LRMDA: variants seen among roughly 807,000 people sequenced by gnomAD.
LRMDA encodes leucine-rich melanocyte differentiation-associated protein.
In LRMDA, 18 loss-of-function variants were observed where a neutral mutation model predicts 29.8. That is an observed-to-expected ratio of 0.60 (90% CI 0.42 to 0.90). LRMDA has a LOEUF of 0.90. Among genes scored for constraint, LRMDA ranks in the 40% least tolerant of loss-of-function variants. LRMDA has a pLI of 0.00. For synonymous variants in LRMDA, 125 were observed against 109.4 expected (o/e 1.14, Z -0.89); for missense variants, 273 against 273.9 (o/e 1.00, Z 0.02).
chr10:76,446,017 T>C (rs1842350777), intron 6 of LRMDA, among the ~76,000 whole-genome samples: 1 of 152,182 alleles, frequency 6.6e-6, no homozygotes, highest in Non-Finnish European at 1.5e-5. Flanking sequence ...GCAAATATTG[T>C]CATGCATTTG....
chr10:75,901,273 T>A (rs914899670), intron 2 of LRMDA, among the ~76,000 whole-genome samples: 1 of 152,134 alleles, frequency 6.6e-6, no homozygotes, highest in Non-Finnish European at 1.5e-5. Context: ...CAAATCTCCT[T>A]GTCTTTTTAA....
intron 5 of LRMDA, among the ~76,000 whole-genome samples, chr10:76,294,763 G>T (rs1024300058): frequency 9.2e-5 from 14 of 152,186 alleles, no homozygotes; most frequent in Non-Finnish European, 1.5e-4. Context: ...TGCTTGAAAG[G>T]TCTGGCTTGG....
intron 5 of LRMDA, among the ~76,000 whole-genome samples, chr10:76,260,374 A>G (rs996666591): frequency 6.6e-5 from 10 of 152,180 alleles, no homozygotes; most frequent in African/African-American, 1.9e-4. Flanking sequence ...AGGCCAATCT[A>G]GTGGTGATGA....
intron 5 of LRMDA, among the ~76,000 whole-genome samples, chr10:76,160,648 G>A (rs777162610): frequency 2.0e-5 from 3 of 151,932 alleles, no homozygotes; most frequent in Non-Finnish European, 4.4e-5. Context: ...AAATACTCCC[G>A]CCAAATTTAA....
At chr10:75,824,797 G>A (rs1041143658) in intron 2 of LRMDA, among the ~76,000 whole-genome samples, 3 of 152,196 alleles carry the variant, frequency 2.0e-5, no homozygotes, top group Non-Finnish European at 4.4e-5. Flanking sequence ...CCACCCAGTG[G>A]AAGACTATGA....
At chr10:75,688,629 CAGGGTTTGGG>C (rs1454760343) in intron 2 of LRMDA, among the ~76,000 whole-genome samples, 1 of 152,216 alleles carries the variant, frequency 6.6e-6, no homozygotes, top group African/African-American at 2.4e-5. Context: ...AAAGCAGAAG[CAGGGTTTGGG>C]AGGATTGCCT....
chr10:75,792,787 A>G (rs2132253774), intron 2 of LRMDA, among the ~76,000 whole-genome samples: 1 of 152,328 alleles, frequency 6.6e-6, no homozygotes, highest in South Asian at 2.1e-4. Flanking sequence ...AATAGTAATA[A>G]TATCTGCTTG....
chr10:75,730,336 T>A (rs966538933), intron 2 of LRMDA, among the ~76,000 whole-genome samples: 3 of 152,066 alleles, frequency 2.0e-5, no homozygotes, highest in African/African-American at 7.3e-5. Context: ...TCAACACAGA[T>A]CAACAGATGC....
At chr10:76,059,112 G>A (rs776573393) in intron 5 of LRMDA, among the ~76,000 whole-genome samples, 14 of 152,122 alleles carry the variant, frequency 9.2e-5, no homozygotes, top group Non-Finnish European at 2.1e-4. Flanking sequence ...TTGGGCATGG[G>A]TGGGCTTTGG....
chr10:76,281,038 A>C (rs1430352743), intron 5 of LRMDA, among the ~76,000 whole-genome samples: 1 of 152,230 alleles, frequency 6.6e-6, no homozygotes, highest in Non-Finnish European at 1.5e-5. Flanking sequence ...CCGTTACAAC[A>C]GCCCACCAAA....
chr10:75,850,859 G>A (rs1312935157), intron 2 of LRMDA, among the ~76,000 whole-genome samples: 1 of 152,190 alleles, frequency 6.6e-6, no homozygotes, highest in Non-Finnish European at 1.5e-5. Flanking sequence ...AGTTGAAACA[G>A]TAGTGTTCTG....
chr10:75,604,980 C>T (rs1019668707), intron 2 of LRMDA, among the ~76,000 whole-genome samples: 1 of 152,140 alleles, frequency 6.6e-6, no homozygotes, highest in Non-Finnish European at 1.5e-5. Context: ...TTCAGTTTTC[C>T]CAAACAAAAT....
chr10:75,465,995 A>G (rs11001401), intron 2 of LRMDA, among the ~76,000 whole-genome samples: 19,634 of 152,250 alleles, frequency 0.13, 1,647 homozygotes, highest in Middle Eastern at 0.2. Flanking sequence ...CTAAAAGATT[A>G]GCCATAGGCA....
At chr10:75,763,506 C>T (rs1374734854) in intron 2 of LRMDA, among the ~76,000 whole-genome samples, 2 of 152,116 alleles carry the variant, frequency 1.3e-5, no homozygotes, top group East Asian at 3.8e-4. Flanking sequence ...TCATCACAAG[C>T]CTTCAAGGAG....
intron 2 of LRMDA, among the ~76,000 whole-genome samples, chr10:75,448,690 A>T (rs1212520201): frequency 6.6e-6 from 1 of 152,208 alleles, no homozygotes; most frequent in African/African-American, 2.4e-5. Context: ...CACTATGCCA[A>T]CTGCAGCCTG....
chr10:76,366,688 T>C (rs914361316), intron 6 of LRMDA, among the ~76,000 whole-genome samples: 1 of 152,222 alleles, frequency 6.6e-6, no homozygotes, highest in African/African-American at 2.4e-5. Flanking sequence ...AATGATTGTA[T>C]CGTCAGCAAA....
chr10:75,682,023 CTT>C (rs1438222789), intron 2 of LRMDA, among the ~76,000 whole-genome samples: 1 of 152,214 alleles, frequency 6.6e-6, no homozygotes, highest in Non-Finnish European at 1.5e-5. Flanking sequence ...GCGGGTCTAA[CTT>C]TGCTTTCAGC....
At chr10:76,193,206 CG>C (rs1851277541) in intron 5 of LRMDA, among the ~76,000 whole-genome samples, 1 of 152,092 alleles carries the variant, frequency 6.6e-6, no homozygotes, top group Non-Finnish European at 1.5e-5. Context: ...ATAAAGGAAG[CG>C]GGGAGCCAAG....
chr10:75,777,533 G>A (rs1843328886), intron 2 of LRMDA, among the ~76,000 whole-genome samples: 1 of 152,224 alleles, frequency 6.6e-6, no homozygotes, highest in South Asian at 2.1e-4. Flanking sequence ...TTTGTTGAAG[G>A]GCTATGTCTT....
Sources: allele counts gnomAD v4.1 joint callset (sites outside exome capture counted in the v4.1 genomes callset), GRCh38; gene constraint gnomAD v4.1.1; transcripts MANE v1.5; gene names NCBI Gene and HGNC (gene_info 2026-07-23, HGNC 2026-07-21).